Variants in TSC2 observed in about 807,000 individuals in gnomAD.
TSC2 encodes tuberin.
Under a neutral mutation model 202.2 loss-of-function variants are expected in TSC2, and 29 were observed. That is an observed-to-expected ratio of 0.14 (90% confidence interval 0.11 to 0.20). The LOEUF (loss-of-function observed/expected upper bound fraction) is 0.20, where lower values mean the gene tolerates loss of function less well. TSC2 is among the 10% of genes least tolerant of loss of function. The pLI is 1.00. For missense variants in TSC2, 2,429 were observed against 2,420.0 expected, an observed-to-expected ratio of 1.00 and a Z score of -0.08; for synonymous variants, 1,349 against 1,044.0, an observed-to-expected ratio of 1.29 and a Z score of -5.63.
chr16:2,084,891 G>A, intron 34 of TSC2, 60 bp from the exon 35 acceptor site: 1 of 1,608,196 alleles, frequency 6.2e-7, no homozygotes, highest in Non-Finnish European at 8.5e-7. Context: ...TCCTCCCTGT[G>A]GGCTGTGGCT....
In TSC2 at chr16:2,072,276, C is replaced by A; in HGVS notation, c.2133C>A (p.Gly711=). The A allele has an allele frequency of 6.2e-7, 1 of 1,614,120 alleles. No homozygotes were observed. Among genetic ancestry groups the A allele is most frequent in the Non-Finnish European group, 8.5e-7 (1 of 1,180,048 alleles). ...GGAAGGTGCTGAAGCTGGTTCTGGG[C>A]AGGCTGCCTGAGTCCCTGCGCTATA... is the stretch of plus-strand genomic sequence containing the variant. ...SDWKVLKLVL[G]RLPESLRYKV... Residue 711 remains glycine, a synonymous_variant, in exon 20 of 42, where the codon GGC becomes GGA. Transcript: ENST00000219476.
chr16:2,074,567 A>AG, intron 22 of TSC2, 178 bp downstream of exon 22: 1 of 757,476 alleles, frequency 1.3e-6, no homozygotes, highest in Non-Finnish European at 2.2e-6. Flanking sequence ...CCTGGCTTTG[A>AG]GGGGCGGCTC....
At chr16:2,072,049 C>T in intron 19 of TSC2, 115 bp downstream of exon 19, 1 of 1,474,094 alleles carries the variant, frequency 6.8e-7, no homozygotes, top group South Asian at 1.3e-5. Flanking sequence ...AGCCCTCCCT[C>T]AGAGCTGAGC....
rs370353005 is a variant in TSC2 at position 2,088,316 on chromosome 16, C to G, written c.5250C>G (p.Leu1750=). ...WIARLRHIKR[L]RQRICEEAAY... Reference sequence around the variant, plus strand: ...CCCGGCTCCGCCACATCAAGCGGCTCCGCCAGCGGGTAGGGAATATGGGGC... The same window carrying G: ...CCCGGCTCCGCCACATCAAGCGGCTGCGCCAGCGGGTAGGGAATATGGGGC... Residue 1750 remains leucine (L), a synonymous_variant, in exon 41 of 42, where the codon CTC becomes CTG. Transcript: ENST00000219476. The G allele has an allele frequency of 1.9e-6, 3 of 1,612,614 alleles. No individual in the cohort carries two copies. Among genetic ancestry groups the G allele is most frequent in the Non-Finnish European group, 2.5e-6 (3 of 1,180,032 alleles).
At chr16:2,070,725 G>A in intron 17 of TSC2, 147 bp downstream of exon 17, 1 of 1,365,938 alleles carries the variant, frequency 7.3e-7, no homozygotes, top group Non-Finnish European at 9.9e-7. Context: ...TGTGGCCGCA[G>A]CCTCCCCAGT....
rs1314556243 is a variant in TSC2 at position 2,088,874 on chromosome 16, C to CGT, written c.*265_*266insTG. On this transcript the variant is annotated 3_prime_UTR_variant, in exon 42 of 42. Coordinates refer to ENST00000219476, the MANE Select transcript of TSC2 (RefSeq NM_000548.5). ...GGGCCATACAGCACACTCGCGCGTG[C>CGT]GCGCGCGCACACACACACACACACA... is the stretch of plus-strand genomic sequence containing the variant. 8.4e-5 allele frequency: 40 copies of CGT among 473,790 alleles called. No homozygotes were observed. In the African/African-American group the frequency reaches 9.2e-4, roughly 11 times the overall value. 29.3% of individuals were successfully genotyped at this position (473,790 alleles called of 1,614,324 possible).
chr16:2,070,309 T>C (rs1596335098), intron 16 of TSC2, 147 bp from the exon 17 acceptor site: 9 of 1,371,934 alleles, frequency 6.6e-6, no homozygotes, highest in Admixed American at 5.7e-5. Context: ...GGAGAGAGAG[T>C]CCTGGTGGTC....
intron 25 of TSC2, 173 bp downstream of exon 25, chr16:2,076,758 C>G: frequency 1.5e-6 from 1 of 686,700 alleles, no homozygotes; most frequent in East Asian, 2.8e-5. Flanking sequence ...AGCCCCTCAG[C>G]AGGTTGGCCG....
Position 2,080,168 on chromosome 16 carries a change from G to A in TSC2, c.3401G>A (p.Gly1134Asp), listed in dbSNP as rs766223343. The A allele has an allele frequency of 1.9e-6, 3 of 1,612,940 alleles. No individual in the cohort carries two copies. Among genetic ancestry groups the A allele is most frequent in the South Asian group, 1.1e-5 (1 of 91,090 alleles). Reference sequence around the variant, plus strand: ...AGTCCTCTGCCCTCTTCTTCAGGGGGCCATGGTCTTCGAGTTGGCGCCCTG... The same window carrying A: ...AGTCCTCTGCCCTCTTCTTCAGGGGACCATGGTCTTCGAGTTGGCGCCCTG... ...ARDRVRSMSG[G>D]HGLRVGALDV... Residue 1134 changes from glycine (G) to aspartate (D), a missense_variant, in exon 30 of 42, where the codon GGC becomes GAC. By Grantham distance (94) the Gly-to-Asp change is moderately conservative. Coordinates refer to ENST00000219476, the MANE Select transcript of TSC2 (RefSeq NM_000548.5).
At position 2,070,486 on chromosome 16, in the gene TSC2, G is replaced by A. The variant is rs1800729; in HGVS notation, c.1747G>A (p.Ala583Thr). 7,209 of 1,613,418 alleles carry A rather than the reference G, an allele frequency of 4.5e-3. 21 individuals are homozygous for A. The highest frequency in any genetic ancestry group is 5.7e-3 in the Non-Finnish European group (6,753 of 1,180,034). ...GCTGTACACCCTGCCTGCAAGCCACGCCACGCGTGTGTATGAGATGCTGGT... is the reference window on the plus strand; with the variant it reads ...GCTGTACACCCTGCCTGCAAGCCACACCACGCGTGTGTATGAGATGCTGGT... ...TKLYTLPASH[A>T]TRVYEMLVSH... Residue 583 changes from alanine to threonine, a missense_variant, in exon 17 of 42, where the codon GCC becomes ACC. By Grantham distance (58) the Ala-to-Thr change is moderately conservative. Transcript: ENST00000219476.
intron 30 of TSC2, 120 bp downstream of exon 30, chr16:2,080,497 T>G: frequency 8.1e-7 from 1 of 1,235,806 alleles, no homozygotes; most frequent in Non-Finnish European, 1.1e-6. Flanking sequence ...TTTTGTTTTT[T>G]TTTTGAGACA....
rs762659998 is a variant in TSC2 at position 2,056,229 on chromosome 16, C to T, written c.633C>T (p.Ser211=). ...GTCTGCTGTGCGTCCGGACCGCGTC[C>T]TCTGTGGACATAGAGGTCAGTGCCT... ...MICLLCVRTA[S]SVDIEVSLQV... Residue 211 remains serine (S), a synonymous_variant, in exon 7 of 42, where the codon TCC becomes TCT. Coordinates refer to ENST00000219476, the MANE Select transcript of TSC2 (RefSeq NM_000548.5). 3.1e-6 allele frequency: 5 copies of T among 1,614,086 alleles called. No individual in the cohort carries two copies. In the South Asian group the frequency reaches 4.4e-5, roughly 14 times the overall value.
Position 2,070,364 on chromosome 16 carries a change from G to A in TSC2, c.1717-92G>A, listed in dbSNP as rs1428905868. 6 of 1,607,750 alleles carry A rather than the reference G, an allele frequency of 3.7e-6. No individual in the cohort carries two copies. The East Asian group carries it at 6.7e-5, about 18-fold the overall frequency. ...GTTTTGAAGCACGCACTCTAGAGCA[G>A]CCGCCCCGGCCCCTGCTCCGGGACA... On this transcript the variant is annotated intron_variant, in intron 16 of 41. Transcript: ENST00000219476.
chr16:2,070,333 T>G (rs1415493976), intron 16 of TSC2, 123 bp from the exon 17 acceptor site: 1 of 1,537,898 alleles, frequency 6.5e-7, no homozygotes, highest in Non-Finnish European at 8.9e-7. Flanking sequence ...GGTTTGAAGG[T>G]CGTGTGTTTT....
Position 2,055,890 on chromosome 16 carries a change from C to CA in TSC2, c.600-287dup, listed in dbSNP as rs373314420. The CA allele has an allele frequency of 0.22, 57,041 of 256,590 alleles. 2,916 individuals carry two copies. The highest frequency in any genetic ancestry group is 0.42 in the African/African-American group (12,579 of 29,804). 15.9% of individuals were successfully genotyped at this position (256,590 alleles called of 1,614,324 possible). A position where few individuals can be genotyped will look rare whatever the true frequency, so the allele number is the denominator to read the frequency against. Reference sequence around the variant, plus strand: ...TGGGTGAAAGAGCAAAACTCCATCTCAAAAAAAAAAAAAAAAAAAGAGAAG... The same window carrying CA: ...TGGGTGAAAGAGCAAAACTCCATCTCAAAAAAAAAAAAAAAAAAAAGAGAAG... On this transcript the variant is annotated intron_variant, in intron 6 of 41. Coordinates refer to ENST00000219476, the MANE Select transcript of TSC2 (RefSeq NM_000548.5).
intron 32 of TSC2, chr16:2,083,493 G>A (rs1366858719): frequency 1.2e-6 from 1 of 868,294 alleles, no homozygotes; most frequent in East Asian, 2.7e-5. Flanking sequence ...ACTCATGCAG[G>A]AGAGGCCTGT....
At chr16:2,051,139 C>A (rs939878873) in intron 3 of TSC2, among the ~76,000 whole-genome samples, 1 of 151,836 alleles carries the variant, frequency 6.6e-6, no homozygotes, top group African/African-American at 2.4e-5. Context: ...CTCTGGCCAA[C>A]ATGGCGAAAC....
At position 2,058,739 on chromosome 16, in the gene TSC2, AC is replaced by A. The variant is rs1555499625; in HGVS notation, c.849-7del. On this transcript the variant is annotated splice_region_variant and splice_polypyrimidine_tract_variant and intron_variant, in intron 9 of 41. Transcript: ENST00000219476. ...CTCACATTCCGTCTCTCTGGGGAAC[AC>A]TTTTAGAGCCTACATGGAGGACGCG... 2 of 1,576,114 alleles carry A rather than the reference AC, an allele frequency of 1.3e-6. No individual in the cohort carries two copies.
At chr16:2,062,669 G>T in intron 13 of TSC2, 69 bp downstream of exon 13, 1 of 1,507,544 alleles carries the variant, frequency 6.6e-7, no homozygotes. Context: ...GGCCCACCCG[G>T]GCTGGGTCTC....
Sources: gnomAD v4.1 joint callset for allele counts (sites outside exome capture counted in the v4.1 genomes callset) on GRCh38, gnomAD v4.1.1 for gene constraint, MANE v1.5 for transcripts, NCBI Gene and HGNC (gene_info 2026-07-23, HGNC 2026-07-21) for gene names.